Variants in SLC25A10 observed in about 807,000 individuals in gnomAD.
SLC25A10 encodes solute carrier family 25 member 10.
Under a neutral mutation model 40.4 loss-of-function variants are expected in SLC25A10, and 32 were observed. The ratio of observed to expected loss-of-function variants is 0.79; its 90% CI spans 0.60 to 1.06. The LOEUF is 1.06. Ranked by LOEUF, SLC25A10 falls within the 50% of genes least tolerant of loss-of-function variation. The pLI, the probability that SLC25A10 is intolerant of heterozygous loss-of-function variation, is 0.00. For synonymous variants in SLC25A10, 181 were observed against 171.1 expected (o/e 1.06, Z -0.45); for missense variants, 394 against 402.6 (o/e 0.98, Z 0.18).
chr17:81,712,970 C>A (rs1358016174), intron 1 of SLC25A10, among the ~76,000 whole-genome samples: 1 of 152,184 alleles, frequency 6.6e-6, no homozygotes, highest in Non-Finnish European at 1.5e-5. Context: ...GTGGGCCAAG[C>A]CGCCCCCCAC....
At chr17:81,714,778 T>A (rs1321823374) in intron 1 of SLC25A10, among the ~76,000 whole-genome samples, 175 bp from the exon 2 acceptor site, 2 of 152,156 alleles carry the variant, frequency 1.3e-5, no homozygotes, top group African/African-American at 4.8e-5. Flanking sequence ...TCCACTGGTG[T>A]GGTTGCTGTT....
At chr17:81,718,914 A>G (rs111499289) in intron 9 of SLC25A10, among the ~76,000 whole-genome samples, 1 of 151,814 alleles carries the variant, frequency 6.6e-6, no homozygotes, top group East Asian at 1.9e-4. Flanking sequence ...GCACCACTGC[A>G]CTCCAGCCTG....
In SLC25A10 at chr17:81,712,354, G is replaced by T. The variant is rs2037396712; in HGVS notation, c.-73G>T. 4.9e-6 allele frequency: 5 copies of T among 1,011,726 alleles called. No homozygotes were observed. Among genetic ancestry groups the T allele is most frequent in the Non-Finnish European group, 6.3e-6 (5 of 797,900 alleles). The allele number at this position is 1,011,726 out of a possible 1,614,324, so 62.7% of individuals were successfully genotyped here. A position where few individuals can be genotyped will look rare whatever the true frequency, so the allele number is the denominator to read the frequency against. Reference sequence around the variant, plus strand: ...GGGCGCGGGGCGCGGGGCGCGGGGCGCTGCGGCCGGTACACGCCGGGGTAG... The same window carrying T: ...GGGCGCGGGGCGCGGGGCGCGGGGCTCTGCGGCCGGTACACGCCGGGGTAG... On this transcript the variant is annotated 5_prime_UTR_variant, in exon 1 of 11. Coordinates refer to ENST00000350690, the MANE Select transcript of SLC25A10 (RefSeq NM_012140.5).
In SLC25A10 at chr17:81,720,002, C is replaced by T. The variant is rs1176859201; in HGVS notation, c.789C>T (p.Leu263=). The T allele has an allele frequency of 6.2e-7, 1 of 1,613,820 alleles. No homozygotes were observed. Among genetic ancestry groups the T allele is most frequent in the Admixed American group, 1.7e-5 (1 of 60,032 alleles). ...YKGLVPAGIR[L]IPHTVLTFVF... is the part of the protein sequence containing the mutation. ...GCCTCGTCCCAGCTGGCATCCGCCT[C>T]ATCCCCCACACCGTGCTCACTTTTG... The change falls in exon 11 of 11, where the codon CTC becomes CTT. Residue 263 remains leucine, a synonymous_variant. Coordinates refer to ENST00000350690, the MANE Select transcript of SLC25A10 (RefSeq NM_012140.5).
In SLC25A10 at chr17:81,712,362, CGG is replaced by C; in HGVS notation, c.-64_-63del. On this transcript the variant is annotated 5_prime_UTR_variant, in exon 1 of 11. Coordinates refer to ENST00000350690, the MANE Select transcript of SLC25A10 (RefSeq NM_012140.5). ...GGCGCGGGGCGCGGGGCGCTGCGGC[CGG>C]TACACGCCGGGGTAGGGCCGGGGTC... 1 of 1,065,730 alleles carries C rather than the reference CGG, an allele frequency of 9.4e-7. No individual in the cohort carries two copies. The highest frequency in any genetic ancestry group is 1.2e-6 in the Non-Finnish European group (1 of 843,930). The allele number at this position is 1,065,730 out of a possible 1,614,324, so 66.0% of individuals were successfully genotyped here.
chr17:81,714,924 G>A, intron 1 of SLC25A10, 29 bp from the exon 2 acceptor site: 1 of 1,603,244 alleles, frequency 6.2e-7, no homozygotes, highest in Non-Finnish European at 8.5e-7. Flanking sequence ...CGGGGTCGCT[G>A]TGGGGTCTGA....
chr17:81,718,212 G>A (rs769060001), intron 9 of SLC25A10, among the ~76,000 whole-genome samples: 1 of 151,688 alleles, frequency 6.6e-6, no homozygotes, highest in East Asian at 1.9e-4. Context: ...GGCCAGGTGC[G>A]GTGGCTCATG....
chr17:81,714,245 G>A (rs967226636), intron 1 of SLC25A10, among the ~76,000 whole-genome samples: 1 of 152,224 alleles, frequency 6.6e-6, no homozygotes, highest in Non-Finnish European at 1.5e-5. Context: ...CCAGGTGCTG[G>A]CCTTCCTGTC....
At chr17:81,714,717 C>T (rs1425969053) in intron 1 of SLC25A10, among the ~76,000 whole-genome samples, 2 of 152,232 alleles carry the variant, frequency 1.3e-5, no homozygotes, top group Admixed American at 1.3e-4. Context: ...AGCCAATACT[C>T]AGGTGGTACG....
chr17:81,715,353 C>T lies in SLC25A10; in HGVS notation c.214-125C>T, dbSNP rs531154363. 9.7e-5 allele frequency: 87 copies of T among 895,680 alleles called. 1 individual carries two copies. The South Asian group carries it at 1.3e-3, about 13-fold the overall frequency. 55.5% of individuals were successfully genotyped at this position (895,680 alleles called of 1,614,324 possible). A position where few individuals can be genotyped will look rare whatever the true frequency, so the allele number is the denominator to read the frequency against. On this transcript the variant is annotated intron_variant, in intron 2 of 10. Transcript: ENST00000350690. ...CTCAGCCGCATGCTGGCACAGTGGC[C>T]TTGGGAAGGCCCCTCAGGGTCCCTG...
At chr17:81,718,810 C>T (rs1402121638) in intron 9 of SLC25A10, among the ~76,000 whole-genome samples, 2 of 133,874 alleles carry the variant, frequency 1.5e-5, no homozygotes, top group Non-Finnish European at 3.3e-5. Flanking sequence ...TTAGCTGGGC[C>T]TGGTGGCGCA....
intron 1 of SLC25A10, 71 bp downstream of exon 1, chr17:81,712,590 C>T: frequency 9.3e-7 from 1 of 1,079,218 alleles, no homozygotes; most frequent in Non-Finnish European, 1.2e-6. Flanking sequence ...AAGGCAGCAG[C>T]CCGGCCCCAC....
Position 81,714,939 on chromosome 17 carries a change from A to G in SLC25A10, c.94-14A>G, listed in dbSNP as rs1474244682. 3.1e-6 allele frequency: 5 copies of G among 1,605,910 alleles called. No homozygotes were observed. The highest frequency in any genetic ancestry group is 2.2e-5 in the South Asian group (2 of 90,966). On this transcript the variant is annotated splice_polypyrimidine_tract_variant and intron_variant, in intron 1 of 10. Transcript: ENST00000350690. ...CGGGGTCGCTGTGGGGTCTGAGAGCACTCACTCCCGCAGGTGCATCTGCAG... is the reference window on the plus strand; with the variant it reads ...CGGGGTCGCTGTGGGGTCTGAGAGCGCTCACTCCCGCAGGTGCATCTGCAG...
chr17:81,715,910 C>T, intron 4 of SLC25A10, 99 bp from the exon 5 acceptor site: 1 of 1,445,540 alleles, frequency 6.9e-7, no homozygotes, highest in Non-Finnish European at 9.5e-7. Context: ...CGTGCCCTGT[C>T]CTGTGGGCCC....
At chr17:81,717,344 CT>C in intron 7 of SLC25A10, 54 bp from the exon 8 acceptor site, 1 of 1,562,902 alleles carries the variant, frequency 6.4e-7, no homozygotes, top group South Asian at 1.1e-5. Flanking sequence ...GCCCTGTGTG[CT>C]TTCCCCAAGC....
In SLC25A10 at chr17:81,720,320, T is replaced by A; in HGVS notation, c.*243T>A. On this transcript the variant is annotated 3_prime_UTR_variant, in exon 11 of 11. Transcript: ENST00000350690. The stretch of plus-strand genomic sequence containing the variant: ...CTCCCGGCTGGGCACTGCGTGGCCT[T>A]GCCCCTCTCCCGCTGGCAGCTCCTC... 5 of 1,429,372 alleles carry A rather than the reference T, an allele frequency of 3.5e-6. No homozygotes were observed. The highest frequency in any genetic ancestry group is 4.6e-6 in the Non-Finnish European group (5 of 1,097,162). 88.5% of individuals were successfully genotyped at this position (1,429,372 alleles called of 1,614,324 possible). A position where few individuals can be genotyped will look rare whatever the true frequency, so the allele number is the denominator to read the frequency against.
At chr17:81,713,003 C>T (rs1287304923) in intron 1 of SLC25A10, among the ~76,000 whole-genome samples, 3 of 152,300 alleles carry the variant, frequency 2.0e-5, no homozygotes, top group Non-Finnish European at 2.9e-5. Context: ...AGCACACCGC[C>T]GGACGTGTCC....
Position 81,715,723 on chromosome 17 carries a change from C to T in SLC25A10, c.359C>T (p.Ala120Val). 1 of 1,613,356 alleles carries T rather than the reference C, an allele frequency of 6.2e-7. No individual in the cohort carries two copies. Residue 120 changes from alanine (A) to valine (V), a missense_variant, in exon 4 of 11, where the codon GCA becomes GTA. By Grantham distance (64) the Ala-to-Val change is moderately conservative (BLOSUM62 0). Transcript: ENST00000350690. ...GLAGGFVGTP[A>V]DLVNVRMQND... The stretch of plus-strand genomic sequence containing the variant: ...GCTGGAGGCTTCGTGGGGACGCCCG[C>T]AGACTTGGTCAACGTCAGGTTGGTG...
chr17:81,714,869 C>T lies in SLC25A10; in HGVS notation c.94-84C>T. On this transcript the variant is annotated intron_variant, in intron 1 of 10. Coordinates refer to ENST00000350690, the MANE Select transcript of SLC25A10 (RefSeq NM_012140.5). ...CCGTGGGAGGCCTTATCACTGCCTC[C>T]TGCCTCAGTTTCCCCCTCTCTGGAT... 8 of 1,559,162 alleles carry T rather than the reference C, an allele frequency of 5.1e-6. No homozygotes were observed. The South Asian group carries it at 9.3e-5, about 18-fold the overall frequency.
Sources: gnomAD v4.1 joint callset for allele counts (sites outside exome capture counted in the v4.1 genomes callset) on GRCh38, gnomAD v4.1.1 for gene constraint, MANE v1.5 for transcripts, NCBI Gene and HGNC (gene_info 2026-07-23, HGNC 2026-07-21) for gene names.